KHDC4: variants seen among roughly 807,000 people sequenced by gnomAD.
The protein encoded by KHDC4 is KH domain containing 4, pre-mRNA splicing factor.
In KHDC4, 19 loss-of-function variants were observed where a neutral mutation model predicts 74.5. That is an observed-to-expected ratio of 0.26 (90% confidence interval 0.18 to 0.37). The LOEUF is 0.37. Ranked by LOEUF, KHDC4 falls within the 10% of genes least tolerant of loss-of-function variation. KHDC4 has a pLI of 1.00. For missense variants in KHDC4, 632 were observed against 754.1 expected (o/e 0.84, Z 1.90); for synonymous variants, 253 against 266.1 (o/e 0.95, Z 0.48).
chr1:155,924,199 C>T (rs1346766716), intron 7 of KHDC4, among the ~76,000 whole-genome samples: 1 of 149,190 alleles, frequency 6.7e-6, no homozygotes, highest in Non-Finnish European at 1.5e-5. Flanking sequence ...TGCCTATAGT[C>T]CCAGCTACTT....
intron 8 of KHDC4, chr1:155,922,163 TTTGA>T: frequency 1.7e-4 from 53 of 309,564 alleles, no homozygotes; most frequent in Non-Finnish European, 2.4e-4. Flanking sequence ...TTTTTTTTTT[TTTGA>T]GACAGTCTCA....
At chr1:155,929,163 A>C in intron 4 of KHDC4, 133 bp downstream of exon 4, 1 of 624,534 alleles carries the variant, frequency 1.6e-6, no homozygotes, top group East Asian at 2.7e-5. Context: ...GAATTCTGCT[A>C]TAGTGTGCAC....
At chr1:155,924,159 T>TTC (rs1673930985) in intron 7 of KHDC4, among the ~76,000 whole-genome samples, 1 of 151,948 alleles carries the variant, frequency 6.6e-6, no homozygotes, top group Admixed American at 6.6e-5. Flanking sequence ...CTACTAAAAA[T>TTC]ACAAAAAATT....
rs963202216 is a variant in KHDC4, at chr1:155,934,388, C to T, written c.-15G>A. 3.1e-6 allele frequency: 5 copies of T among 1,611,796 alleles called. No homozygotes were observed. Among genetic ancestry groups the T allele is most frequent in the African/African-American group, 1.3e-5 (1 of 75,048 alleles). The stretch of plus-strand genomic sequence containing the variant: ...CCCGCGGACATGGCGACCGCTTCTA[C>T]TCAACCACCCGCCAACTATCCGACT... On this transcript the variant is annotated 5_prime_UTR_variant, in exon 1 of 14. Transcript: ENST00000368321.
intron 4 of KHDC4, 63 bp from the exon 5 acceptor site, chr1:155,927,219 G>T: frequency 8.2e-7 from 1 of 1,212,214 alleles, no homozygotes; most frequent in Non-Finnish European, 1.2e-6. Context: ...GAGTCAAATG[G>T]GTCACCAGAT....
chr1:155,922,066 ATTT>A (rs34107786), intron 8 of KHDC4, 148 bp from the exon 9 acceptor site: 322 of 375,656 alleles, frequency 8.6e-4, no homozygotes, highest in South Asian at 9.5e-4. Flanking sequence ...TTTAACCCAC[ATTT>A]TTTTTTTTTT....
chr1:155,924,863 C>T (rs530716076), intron 7 of KHDC4, among the ~76,000 whole-genome samples: 3 of 151,548 alleles, frequency 2.0e-5, no homozygotes, highest in Admixed American at 1.3e-4. Flanking sequence ...TGTGAGCCAC[C>T]GCACCTGGTT....
chr1:155,931,005 C>G (rs537006068), intron 2 of KHDC4, among the ~76,000 whole-genome samples: 21 of 151,636 alleles, frequency 1.4e-4, no homozygotes, highest in African/African-American at 5.1e-4. Flanking sequence ...GAGCAAAACT[C>G]TGTCTCAAAA....
intron 6 of KHDC4, 177 bp downstream of exon 6, chr1:155,926,499 T>A (rs936702665): frequency 1.1e-5 from 7 of 629,390 alleles, no homozygotes; most frequent in Non-Finnish European, 2.0e-5. Context: ...CCGGGTAATG[T>A]TCGTGACGGG....
intron 12 of KHDC4, 78 bp downstream of exon 12, chr1:155,916,547 C>T: frequency 2.1e-6 from 2 of 930,668 alleles, no homozygotes; most frequent in Non-Finnish European, 1.7e-6. Flanking sequence ...TACTTAAGCT[C>T]ATAGCAATGA....
chr1:155,916,721 A>G lies in KHDC4; in HGVS notation c.1457T>C (p.Met486Thr). ...GGAGAAGCCTGTACCTAAATTAGTC[A>G]TATGAATGGGTCCATGCTATGAGCA... is the stretch of plus-strand genomic sequence containing the variant. Reference protein sequence around the residue: ...LLGYQHGPIHMTNLGTGFSSQ... With the variant: ...LLGYQHGPIHTTNLGTGFSSQ... The change falls in exon 12 of 14, where the codon ATG becomes ACG. Residue 486 changes from methionine (M) to threonine (T), a missense_variant. Met to Thr is a moderately conservative substitution (Grantham distance 81). This residue lies in a region of KHDC4 where 254 missense variants were observed against 267.4 expected (regional missense o/e 0.95). Transcript: ENST00000368321. 1 of 1,613,328 alleles carries G rather than the reference A, an allele frequency of 6.2e-7. No individual in the cohort carries two copies. The highest frequency in any genetic ancestry group is 1.1e-5 in the South Asian group (1 of 90,982).
At chr1:155,932,507 G>A (rs1674161961) in intron 2 of KHDC4, 1 of 151,848 alleles carries the variant, frequency 6.6e-6, no homozygotes, top group Non-Finnish European at 1.5e-5. Flanking sequence ...TCCTGCTGAG[G>A]TCAACTACCT....
At chr1:155,921,235 G>T (rs759007601) in intron 10 of KHDC4, 140 bp downstream of exon 10, 2 of 929,634 alleles carry the variant, frequency 2.2e-6, no homozygotes, top group African/African-American at 1.6e-5. Context: ...ATTCAGGTAG[G>T]TTGGTGGTAG....
At chr1:155,927,882 T>C (rs1264614811) in intron 4 of KHDC4, among the ~76,000 whole-genome samples, 1 of 107,246 alleles carries the variant, frequency 9.3e-6, no homozygotes, top group Non-Finnish European at 1.8e-5. Flanking sequence ...ACAAAATTAA[T>C]GGGGAAAGAT....
intron 7 of KHDC4, 92 bp downstream of exon 7, chr1:155,925,540 C>T (rs1330223234): frequency 3.3e-6 from 3 of 902,926 alleles, no homozygotes; most frequent in Non-Finnish European, 5.4e-6. Flanking sequence ...CTATTAATTA[C>T]ACCCAGTTTT....
At position 155,923,694 on chromosome 1, in the gene KHDC4, A is replaced by T. The variant is rs1673918910; in HGVS notation, c.894-7T>A. Reference sequence around the variant, plus strand: ...GCCTTCTGGTTTGGGGTGACTGCAAAGAAATAACCAGGAATTCAAAGGAGA... The same window carrying T: ...GCCTTCTGGTTTGGGGTGACTGCAATGAAATAACCAGGAATTCAAAGGAGA... On this transcript the variant is annotated splice_polypyrimidine_tract_variant and splice_region_variant and intron_variant, in intron 7 of 13. Coordinates refer to ENST00000368321, the MANE Select transcript of KHDC4 (RefSeq NM_014949.4). The T allele has an allele frequency of 6.2e-7, 1 of 1,607,106 alleles. No individual in the cohort carries two copies. The highest frequency in any genetic ancestry group is 1.3e-5 in the African/African-American group (1 of 74,774).
chr1:155,924,354 G>T (rs1007665224), intron 7 of KHDC4, among the ~76,000 whole-genome samples: 1 of 151,460 alleles, frequency 6.6e-6, no homozygotes, highest in Non-Finnish European at 1.5e-5. Context: ...CACTACAGGC[G>T]CCTGCCACCA....
intron 6 of KHDC4, chr1:155,926,147 C>A: frequency 1.8e-6 from 1 of 556,136 alleles, no homozygotes; most frequent in South Asian, 1.5e-5. Flanking sequence ...AACATGTATA[C>A]CTTCTGCTCT....
At position 155,934,387 on chromosome 1, in the gene KHDC4, A is replaced by G. The variant is rs760111538; in HGVS notation, c.-14T>C. ...CCCCGCGGACATGGCGACCGCTTCT[A>G]CTCAACCACCCGCCAACTATCCGAC... is the stretch of plus-strand genomic sequence containing the variant. On this transcript the variant is annotated 5_prime_UTR_variant, in exon 1 of 14. Coordinates refer to ENST00000368321, the MANE Select transcript of KHDC4 (RefSeq NM_014949.4). 1 of 1,611,228 alleles carries G rather than the reference A, an allele frequency of 6.2e-7. No homozygotes were observed. The highest frequency in any genetic ancestry group is 8.5e-7 in the Non-Finnish European group (1 of 1,179,640).
Sources: allele counts gnomAD v4.1 joint callset (sites outside exome capture counted in the v4.1 genomes callset), GRCh38; gene constraint gnomAD v4.1.1; regional missense constraint gnomAD v4.1.1; transcripts MANE v1.5; gene names NCBI Gene and HGNC (gene_info 2026-07-23, HGNC 2026-07-21).